The following SP140L variants were observed in gnomAD, a reference collection of about 807,000 sequenced individuals.
The protein encoded by SP140L is nuclear body protein SP140-like protein.
A neutral mutation model predicts 84.3 loss-of-function variants in SP140L; 64 were observed. That is an observed-to-expected ratio of 0.76 (90% CI 0.62 to 0.94). SP140L has a LOEUF of 0.94. Among genes scored for constraint, SP140L ranks in the 40% least tolerant of loss-of-function variants. SP140L has a pLI of 0.00. For synonymous variants in SP140L, 242 were observed against 236.9 expected (o/e 1.02, Z -0.20); for missense variants, 628 against 692.5 (o/e 0.91, Z 1.05).
At position 230,369,859 on chromosome 2, in the gene SP140L, T is replaced by C. The variant is rs765727589; in HGVS notation, c.524-1049T>C. Reference sequence around the variant, plus strand: ...ATCTTGGCTCACTCACTGCAGCCTCTGCCTCCTGGGTTCAAGTGATTCTCC... The same window carrying C: ...ATCTTGGCTCACTCACTGCAGCCTCCGCCTCCTGGGTTCAAGTGATTCTCC... On this transcript the variant is annotated intron_variant, in intron 5 of 18. Transcript: ENST00000415673. Among the ~76,000 whole-genome samples the C allele has an allele frequency of 6.3e-4, 96 of 152,224 alleles. 1 individual carries two copies. Among genetic ancestry groups the C allele is most frequent in the Non-Finnish European group, 2.9e-4 (20 of 68,036 alleles).
At chr2:230,375,705 A>G (rs1411219290) in intron 7 of SP140L, among the ~76,000 whole-genome samples, 1 of 152,158 alleles carries the variant, frequency 6.6e-6, no homozygotes, top group East Asian at 1.9e-4. Context: ...TCTTTGGGAA[A>G]AAGTTTATTC....
At chr2:230,395,919 C>T (rs1329346715) in intron 13 of SP140L, among the ~76,000 whole-genome samples, 1 of 152,240 alleles carries the variant, frequency 6.6e-6, no homozygotes, top group East Asian at 1.9e-4. Context: ...AGAAGAGCTG[C>T]AGCACAGAGG....
intron 7 of SP140L, among the ~76,000 whole-genome samples, chr2:230,381,489 C>T (rs1047150359): frequency 2.0e-5 from 3 of 152,166 alleles, no homozygotes; most frequent in Non-Finnish European, 2.9e-5. Flanking sequence ...CTCATGAAGA[C>T]ACTACCCCAT....
In SP140L at chr2:230,364,842, A is replaced by G. The variant is rs368045779; in HGVS notation, c.523+3145A>G. On this transcript the variant is annotated intron_variant, in intron 5 of 18. Coordinates refer to ENST00000415673, the MANE Select transcript of SP140L (RefSeq NM_138402.6). ...TATAACTATTTTGTTGAAAATTTTT[A>G]TCATGAAAAAAGTTGAATTTTGTCC... Among the ~76,000 whole-genome samples, 10 of 152,206 alleles carry G rather than the reference A, an allele frequency of 6.6e-5. No individual in the cohort carries two copies. In the East Asian group the frequency reaches 1.5e-3, roughly 23 times the overall value.
chr2:230,329,603 G>C (rs563901341), intron 2 of SP140L, among the ~76,000 whole-genome samples: 4 of 152,180 alleles, frequency 2.6e-5, no homozygotes, highest in Admixed American at 2.6e-4. Context: ...AGATCTGATG[G>C]TTTTGTAAAT....
chr2:230,370,916 C>T lies in SP140L; in HGVS notation c.532C>T (p.Pro178Ser), dbSNP rs546664595. 1 of 1,613,384 alleles carries T rather than the reference C, an allele frequency of 6.2e-7. No individual in the cohort carries two copies. Among genetic ancestry groups the T allele is most frequent in the African/African-American group, 1.3e-5 (1 of 74,994 alleles). The change falls in exon 6 of 19, where the codon CCA becomes TCA. Residue 178 changes from proline (P) to serine (S), a missense_variant. Physicochemically the swap from Pro to Ser is moderately conservative, Grantham distance 74. Coordinates refer to ENST00000415673, the MANE Select transcript of SP140L (RefSeq NM_138402.6). Reference sequence around the variant, plus strand: ...TGTCATGTGTTTCTCAGGAGAAGTGCCAGAAAGCCCGGAAGCAAGGAAGGA... The same window carrying T: ...TGTCATGTGTTTCTCAGGAGAAGTGTCAGAAAGCCCGGAAGCAAGGAAGGA... Reference protein sequence around the residue: ...IKLSLKQGEVPESPEARKESD... With the variant: ...IKLSLKQGEVSESPEARKESD...
intron 7 of SP140L, among the ~76,000 whole-genome samples, chr2:230,373,481 G>T (rs559713963): frequency 6.6e-5 from 10 of 152,224 alleles, no homozygotes; most frequent in Admixed American, 1.3e-4. Flanking sequence ...AATCTACTCT[G>T]CCTGTGCTCT....
chr2:230,344,697 G>C (rs1416625876), intron 2 of SP140L, among the ~76,000 whole-genome samples: 2 of 151,998 alleles, frequency 1.3e-5, no homozygotes, highest in Non-Finnish European at 2.9e-5. Flanking sequence ...TTTCCATAGT[G>C]TTTTGTTTTC....
At chr2:230,399,104 C>T (rs1347477883) in intron 14 of SP140L, among the ~76,000 whole-genome samples, 8 of 152,204 alleles carry the variant, frequency 5.3e-5, no homozygotes, top group African/African-American at 7.2e-5. Context: ...TTCCCTTGAA[C>T]GGCAAAGGGC....
intron 2 of SP140L, among the ~76,000 whole-genome samples, chr2:230,346,696 C>G (rs917566131): frequency 6.6e-6 from 1 of 152,074 alleles, no homozygotes; most frequent in Non-Finnish European, 1.5e-5. Flanking sequence ...TCAGTTCAGT[C>G]ATTGTATTTT....
chr2:230,341,594 T>C (rs2060045043), intron 2 of SP140L, among the ~76,000 whole-genome samples: 1 of 150,844 alleles, frequency 6.6e-6, no homozygotes, highest in Non-Finnish European at 1.5e-5. Flanking sequence ...CCAGTTTTTC[T>C]GTTCTGTTTT....
intron 5 of SP140L, among the ~76,000 whole-genome samples, chr2:230,362,231 T>C (rs984421453): frequency 1.3e-5 from 2 of 152,208 alleles, no homozygotes; most frequent in Non-Finnish European, 2.9e-5. Context: ...CTTATTAACA[T>C]AAACTCAGGT....
chr2:230,380,376 T>G (rs1366943903), intron 7 of SP140L, among the ~76,000 whole-genome samples: 1 of 152,208 alleles, frequency 6.6e-6, no homozygotes, highest in Non-Finnish European at 1.5e-5. Context: ...TCACTATCCA[T>G]ATATACATTT....
chr2:230,386,184 C>T (rs1469930369), intron 9 of SP140L, among the ~76,000 whole-genome samples: 1 of 152,204 alleles, frequency 6.6e-6, no homozygotes, highest in Admixed American at 6.5e-5. Flanking sequence ...CCAACTCTTT[C>T]TATGGTCCCA....
At chr2:230,349,295 G>T (rs953515184) in intron 2 of SP140L, among the ~76,000 whole-genome samples, 1 of 152,172 alleles carries the variant, frequency 6.6e-6, no homozygotes, top group Non-Finnish European at 1.5e-5. Context: ...AAATAAGAAA[G>T]TATAAATCTT....
At chr2:230,399,341 A>G (rs1216557352) in intron 14 of SP140L, among the ~76,000 whole-genome samples, 1 of 152,232 alleles carries the variant, frequency 6.6e-6, no homozygotes, top group East Asian at 1.9e-4. Flanking sequence ...TGGAGAATTC[A>G]TTGATTTACC....
chr2:230,389,658 T>C (rs1040511597), intron 10 of SP140L, among the ~76,000 whole-genome samples: 2 of 152,200 alleles, frequency 1.3e-5, no homozygotes, highest in South Asian at 4.1e-4. Context: ...CTTACTACAC[T>C]GGAAGTTAAA....
At chr2:230,371,727 T>G (rs1237953818) in intron 7 of SP140L, 76 bp downstream of exon 7, 15 of 1,315,454 alleles carry the variant, frequency 1.1e-5, no homozygotes, top group South Asian at 2.5e-5. Flanking sequence ...TTTTTGTCAT[T>G]GTTACTGTTT....
intron 5 of SP140L, among the ~76,000 whole-genome samples, chr2:230,367,425 T>C (rs780782020): frequency 6.6e-6 from 1 of 151,782 alleles, no homozygotes; most frequent in Non-Finnish European, 1.5e-5. Context: ...TCCAAGTAGC[T>C]GAGACCACAG....
Sources: allele counts gnomAD v4.1 joint callset (sites outside exome capture counted in the v4.1 genomes callset), GRCh38; gene constraint gnomAD v4.1.1; transcripts MANE v1.5; gene names NCBI Gene and HGNC (gene_info 2026-07-23, HGNC 2026-07-21).